Variants in SLC16A10 observed in about 807,000 individuals in gnomAD.
SLC16A10 encodes the protein monocarboxylate transporter 10.
A neutral mutation model predicts 40.0 loss-of-function variants in SLC16A10; 27 were observed. That is an observed-to-expected ratio of 0.67 (90% CI 0.50 to 0.93). The LOEUF is 0.93. SLC16A10 is among the 40% of genes least tolerant of loss of function. SLC16A10 has a pLI of 0.00. For missense variants in SLC16A10, 529 were observed against 658.2 expected (o/e 0.80, Z 2.15); for synonymous variants, 213 against 249.8 (o/e 0.85, Z 1.39).
intron 3 of SLC16A10, among the ~76,000 whole-genome samples, chr6:111,194,707 G>T (rs1413777174): frequency 6.6e-6 from 1 of 152,148 alleles, no homozygotes; most frequent in Non-Finnish European, 1.5e-5. Context: ...CTCTGCTTCT[G>T]TGAACACATG....
chr6:111,158,540 G>A (rs552322203), intron 1 of SLC16A10, among the ~76,000 whole-genome samples: 5 of 152,278 alleles, frequency 3.3e-5, no homozygotes, highest in East Asian at 1.9e-4. Context: ...GTGCTGATCC[G>A]ACAGGAGGTG....
rs148291130 is a variant in SLC16A10 at position 111,095,130 on chromosome 6, G to T, written c.343+7035G>T. Among the ~76,000 whole-genome samples the T allele has an allele frequency of 9.4e-3, 1,439 of 152,328 alleles. 4 individuals carry two copies. The highest frequency in any genetic ancestry group is 0.017 in the African/African-American group (727 of 41,568). On this transcript the variant is annotated intron_variant, in intron 1 of 5. Transcript: ENST00000368851. ...CGAAGGCCTGCAAGCTCTGGCCCTT[G>T]CCTGGCCCTCTAGCCTTGCCCCTGC...
intron 4 of SLC16A10, among the ~76,000 whole-genome samples, chr6:111,217,511 A>G (rs1352330350): frequency 1.3e-5 from 2 of 152,066 alleles, no homozygotes; most frequent in Non-Finnish European, 2.9e-5. Context: ...GTGCAGTGGC[A>G]TGATCTCGGC....
chr6:111,218,106 G>A (rs1770803384), intron 4 of SLC16A10, among the ~76,000 whole-genome samples: 1 of 152,052 alleles, frequency 6.6e-6, no homozygotes, highest in Non-Finnish European at 1.5e-5. Context: ...TGCCAGTGAA[G>A]TATACATAGT....
chr6:111,107,589 T>C (rs939259952), intron 1 of SLC16A10, among the ~76,000 whole-genome samples: 4 of 152,220 alleles, frequency 2.6e-5, no homozygotes, highest in Non-Finnish European at 5.9e-5. Context: ...GAGGGAACTT[T>C]ACATGAAATT....
chr6:111,207,196 A>C (rs1408231957), intron 4 of SLC16A10, among the ~76,000 whole-genome samples: 1 of 152,268 alleles, frequency 6.6e-6, no homozygotes, highest in Non-Finnish European at 1.5e-5. Context: ...GGTTTTAAAC[A>C]TGAGAAATTG....
intron 1 of SLC16A10, among the ~76,000 whole-genome samples, chr6:111,119,444 A>G (rs1404525754): frequency 6.6e-6 from 1 of 152,234 alleles, no homozygotes; most frequent in Non-Finnish European, 1.5e-5. Flanking sequence ...CAGTTTTTAT[A>G]TGTTTTGACA....
At chr6:111,201,678 A>T (rs537819554) in intron 3 of SLC16A10, among the ~76,000 whole-genome samples, 2 of 152,250 alleles carry the variant, frequency 1.3e-5, no homozygotes, top group East Asian at 3.8e-4. Flanking sequence ...CCATCAAGGC[A>T]TGGCCAAATT....
intron 1 of SLC16A10, among the ~76,000 whole-genome samples, chr6:111,166,217 A>G (rs1236963404): frequency 1.3e-5 from 2 of 151,896 alleles, no homozygotes; most frequent in Non-Finnish European, 2.9e-5. Context: ...TGGTTTGCAC[A>G]GGGAGAAAGA....
chr6:111,167,013 T>C (rs1195386021), intron 1 of SLC16A10, among the ~76,000 whole-genome samples: 1 of 152,252 alleles, frequency 6.6e-6, no homozygotes. Context: ...GGACATTCTA[T>C]CTGGTGTTCT....
chr6:111,215,190 T>G (rs540134695), intron 4 of SLC16A10, among the ~76,000 whole-genome samples: 1 of 152,146 alleles, frequency 6.6e-6, no homozygotes, highest in Non-Finnish European at 1.5e-5. Context: ...AAACTTTTAC[T>G]TGAATAATTT....
chr6:111,201,665 T>C (rs1326562582), intron 3 of SLC16A10, among the ~76,000 whole-genome samples: 1 of 152,214 alleles, frequency 6.6e-6, no homozygotes, highest in Non-Finnish European at 1.5e-5. Flanking sequence ...AGGAAGATAA[T>C]GACCATCAAG....
At chr6:111,115,887 C>T (rs1351865736) in intron 1 of SLC16A10, among the ~76,000 whole-genome samples, 5 of 151,954 alleles carry the variant, frequency 3.3e-5, no homozygotes, top group African/African-American at 1.2e-4. Context: ...TTTGCTTATT[C>T]CTCAGGCAGT....
chr6:111,120,256 G>A (rs1583313254), intron 1 of SLC16A10, among the ~76,000 whole-genome samples: 1 of 152,100 alleles, frequency 6.6e-6, no homozygotes, highest in East Asian at 1.9e-4. Context: ...TGAAATCAGA[G>A]GCACTTATTG....
rs1562414453 is a variant in SLC16A10 at position 111,152,327 on chromosome 6, GTC to G, written c.344-20366_344-20365del. 1.3e-5 allele frequency among the ~76,000 whole-genome samples: 2 copies of G among 152,178 alleles called. 1 individual carries two copies. The highest frequency in any genetic ancestry group is 3.8e-4 in the East Asian group (2 of 5,196). ...CAGCTCCATGAAGACAGGGATTAGT[GTC>G]TGTTTTGTTCACTGCTGTTTTCTCA... On this transcript the variant is annotated intron_variant, in intron 1 of 5. Transcript: ENST00000368851.
At chr6:111,192,857 A>G (rs930179036) in intron 3 of SLC16A10, among the ~76,000 whole-genome samples, 1 of 152,148 alleles carries the variant, frequency 6.6e-6, no homozygotes, top group Non-Finnish European at 1.5e-5. Flanking sequence ...ACCCACCCCC[A>G]TGATTCAATT....
intron 3 of SLC16A10, among the ~76,000 whole-genome samples, chr6:111,197,752 G>A (rs1773102814): frequency 6.6e-6 from 1 of 152,158 alleles, no homozygotes; most frequent in South Asian, 2.1e-4. Flanking sequence ...AAGCAGAGTG[G>A]AAGCAGCAGG....
chr6:111,188,571 C>T (rs1772939465), intron 3 of SLC16A10, among the ~76,000 whole-genome samples: 1 of 152,124 alleles, frequency 6.6e-6, no homozygotes, highest in African/African-American at 2.4e-5. Context: ...ATCCTCCTGT[C>T]TCAGCCTTCC....
intron 3 of SLC16A10, among the ~76,000 whole-genome samples, chr6:111,192,680 G>C (rs531775967): frequency 2.4e-4 from 37 of 152,296 alleles, no homozygotes; most frequent in Admixed American, 9.8e-4. Flanking sequence ...TGGACTCACA[G>C]TTCCATATGG....
Sources: gnomAD v4.1 joint callset for allele counts (sites outside exome capture counted in the v4.1 genomes callset) on GRCh38, gnomAD v4.1.1 for gene constraint, MANE v1.5 for transcripts, NCBI Gene and HGNC (gene_info 2026-07-23, HGNC 2026-07-21) for gene names.